NFIA: variants seen among roughly 807,000 people sequenced by gnomAD.
NFIA encodes nuclear factor 1 A-type.
NFIA carries 8 observed loss-of-function variants against 62.8 expected under a neutral mutation model. The observed-to-expected ratio is 0.13, with a 90% CI of 0.07 to 0.23. The LOEUF is 0.23. Ranked by LOEUF, NFIA falls within the 10% of genes least tolerant of loss-of-function variation. The pLI is 1.00. For missense variants in NFIA, 410 were observed against 642.1 expected (o/e 0.64, Z 3.91); for synonymous variants, 235 against 238.1 (o/e 0.99, Z 0.12).
chr1:61,240,152 G>A (rs1175584369), intron 2 of NFIA, among the ~76,000 whole-genome samples: 5 of 152,076 alleles, frequency 3.3e-5, no homozygotes, highest in Non-Finnish European at 7.4e-5. Context: ...AGTATTAAGT[G>A]AAGTAAAATG....
chr1:61,452,879 T>G (rs1206283096), intron 10 of NFIA, among the ~76,000 whole-genome samples: 1 of 152,208 alleles, frequency 6.6e-6, no homozygotes, highest in Admixed American at 6.5e-5. Flanking sequence ...CATCGCATTT[T>G]TTTTTTCTAA....
At chr1:61,126,437 A>AACAC (rs61077935) in intron 2 of NFIA, among the ~76,000 whole-genome samples, 2,448 of 74,816 alleles carry the variant, frequency 0.033, 50 homozygotes, top group East Asian at 0.064. Flanking sequence ...TTTGAAAATG[A>AACAC]ACACACACAC....
chr1:61,341,311 G>A (rs142999602), intron 4 of NFIA, among the ~76,000 whole-genome samples: 6,248 of 151,920 alleles, frequency 0.041, 429 homozygotes, highest in African/African-American at 0.14. Flanking sequence ...TCCACCTCCC[G>A]AAGTGCTGGG....
chr1:61,374,487 A>T (rs891947623), intron 6 of NFIA, among the ~76,000 whole-genome samples: 1 of 152,092 alleles, frequency 6.6e-6, no homozygotes, highest in Non-Finnish European at 1.5e-5. Flanking sequence ...TAGTCAAGAG[A>T]TTTTATTTTT....
intron 2 of NFIA, among the ~76,000 whole-genome samples, chr1:61,188,032 A>G (rs1651324769): frequency 6.6e-6 from 1 of 151,712 alleles, no homozygotes; most frequent in Admixed American, 6.6e-5. Context: ...GGGTTAGCTT[A>G]CCCTTGAAGT....
At chr1:61,351,415 T>C (rs1468163531) in intron 4 of NFIA, among the ~76,000 whole-genome samples, 2 of 152,228 alleles carry the variant, frequency 1.3e-5, no homozygotes, top group Admixed American at 1.3e-4. Flanking sequence ...TTCTGATGGA[T>C]ACTAACCTGT....
chr1:61,317,104 C>T (rs939239610), intron 3 of NFIA, among the ~76,000 whole-genome samples: 7 of 152,052 alleles, frequency 4.6e-5, no homozygotes, highest in African/African-American at 1.7e-4. Flanking sequence ...ATTCAGTTTC[C>T]TAGAGCAGGC....
rs1468420604 is a variant in NFIA, at chr1:61,082,710, C to T, written c.-82C>T. 1 of 1,547,302 alleles carries T rather than the reference C, an allele frequency of 6.5e-7. No individual in the cohort carries two copies. The highest frequency in any genetic ancestry group is 1.4e-5 in the African/African-American group (1 of 72,626). On this transcript the variant is annotated 5_prime_UTR_variant, in exon 1 of 11. Coordinates refer to ENST00000403491, the MANE Select transcript of NFIA (RefSeq NM_001134673.4). Reference sequence around the variant, plus strand: ...TCTCTCTCTCTCTTCCTCTCTCCCTCTTTCTCCTCTCTCACCCACACTCAC... The same window carrying T: ...TCTCTCTCTCTCTTCCTCTCTCCCTTTTTCTCCTCTCTCACCCACACTCAC...
intron 2 of NFIA, among the ~76,000 whole-genome samples, chr1:61,163,909 T>A (rs1028751302): frequency 1.3e-5 from 2 of 152,238 alleles, no homozygotes; most frequent in African/African-American, 2.4e-5. Context: ...CCCTTGGCTC[T>A]AGCCAATTGG....
Position 61,089,950 on chromosome 1 carries a change from G to A in NFIA, c.559+1270G>A, listed in dbSNP as rs1004035743. Among the ~76,000 whole-genome samples, 4 of 152,260 alleles carry A rather than the reference G, an allele frequency of 2.6e-5. 1 individual carries two copies. The South Asian group carries it at 8.3e-4, about 32-fold the overall frequency. ...ATTTGCATTCTGTTGGCAGGGGATA[G>A]ATGAGTATTTTAGAGGATGTGAGCT... On this transcript the variant is annotated intron_variant, in intron 2 of 10. Transcript: ENST00000403491.
chr1:61,109,631 A>G (rs1646662289), intron 2 of NFIA, among the ~76,000 whole-genome samples: 1 of 151,950 alleles, frequency 6.6e-6, no homozygotes, highest in African/African-American at 2.4e-5. Context: ...GTTTTATCAG[A>G]TAGTGCTAGA....
At chr1:61,295,372 A>G (rs1052310091) in intron 3 of NFIA, among the ~76,000 whole-genome samples, 3 of 152,174 alleles carry the variant, frequency 2.0e-5, no homozygotes, top group East Asian at 1.9e-4. Context: ...AAGAAAGGCA[A>G]TGTCCACCTC....
At chr1:61,290,467 T>G (rs1557685800) in intron 3 of NFIA, among the ~76,000 whole-genome samples, 1 of 152,220 alleles carries the variant, frequency 6.6e-6, no homozygotes, top group East Asian at 1.9e-4. Context: ...ACAAAGTTCA[T>G]TAGGATATCT....
chr1:61,335,440 C>T (rs573336825), intron 4 of NFIA, among the ~76,000 whole-genome samples: 3 of 152,344 alleles, frequency 2.0e-5, no homozygotes, highest in South Asian at 2.1e-4. Flanking sequence ...CAAGGCTGCC[C>T]TCTTCCTTGT....
chr1:61,256,589 C>CCAGAAAGT (rs1451557228), intron 2 of NFIA, among the ~76,000 whole-genome samples: 1 of 152,112 alleles, frequency 6.6e-6, no homozygotes, highest in Non-Finnish European at 1.5e-5. Context: ...TCATTTTAAA[C>CCAGAAAGT]CAGAAAGTGA....
At chr1:61,411,227 G>C (rs1215469558) in intron 9 of NFIA, among the ~76,000 whole-genome samples, 3 of 152,014 alleles carry the variant, frequency 2.0e-5, no homozygotes, top group Non-Finnish European at 4.4e-5. Flanking sequence ...GCTGTGGCCA[G>C]AAAAGCAGGG....
chr1:61,083,763 G>GCCGCCGCCGCCACCACCACCACCGCCA (rs1553148697), intron 1 of NFIA, among the ~76,000 whole-genome samples: 3 of 151,194 alleles, frequency 2.0e-5, no homozygotes, highest in African/African-American at 7.3e-5. Context: ...TCCCCCCGCC[G>GCCGCCGCCGCCACCACCACCACCGCCA]CCGCCGCCGC....
At chr1:61,401,814 C>T (rs1038891824) in intron 7 of NFIA, among the ~76,000 whole-genome samples, 13 of 152,110 alleles carry the variant, frequency 8.5e-5, no homozygotes, top group Non-Finnish European at 1.8e-4. Flanking sequence ...TTCCATCAGA[C>T]GCAGGGTACC....
At chr1:61,385,043 C>T (rs1664604562) in intron 7 of NFIA, among the ~76,000 whole-genome samples, 1 of 151,988 alleles carries the variant, frequency 6.6e-6, no homozygotes, top group African/African-American at 2.4e-5. Flanking sequence ...ATCAGCCTGG[C>T]CAACATGGTG....
Sources: allele counts gnomAD v4.1 joint callset (sites outside exome capture counted in the v4.1 genomes callset), GRCh38; gene constraint gnomAD v4.1.1; transcripts MANE v1.5; gene names NCBI Gene and HGNC (gene_info 2026-07-23, HGNC 2026-07-21).